MYO3A: variants seen among roughly 807,000 people sequenced by gnomAD.
The protein encoded by MYO3A is myosin-IIIa.
In MYO3A, 180 loss-of-function variants were observed where a neutral mutation model predicts 192.7. That is an observed-to-expected ratio of 0.93 (90% CI 0.83 to 1.06). MYO3A has a LOEUF of 1.06. Among genes scored for constraint, MYO3A ranks in the 50% least tolerant of loss-of-function variants. The pLI is 0.00. For synonymous variants in MYO3A, 628 were observed against 645.3 expected, an observed-to-expected ratio of 0.97 and a Z score of 0.41; for missense variants, 1,896 against 1,905.0, an observed-to-expected ratio of 1.00 and a Z score of 0.09.
chr10:26,089,344 G>A (rs972630353), intron 15 of MYO3A, among the ~76,000 whole-genome samples: 3 of 152,132 alleles, frequency 2.0e-5, no homozygotes, highest in African/African-American at 4.8e-5. Context: ...GCTCACACCT[G>A]TAATCCCAGC....
chr10:26,147,349 G>C, intron 22 of MYO3A, 81 bp from the exon 23 acceptor site: 1 of 1,385,838 alleles, frequency 7.2e-7, no homozygotes, highest in South Asian at 1.2e-5. Flanking sequence ...ATGAGTATCT[G>C]TTGTTGATGA....
intron 34 of MYO3A, among the ~76,000 whole-genome samples, chr10:26,208,090 A>C (rs1844058351): frequency 6.6e-6 from 1 of 152,044 alleles, no homozygotes; most frequent in Non-Finnish European, 1.5e-5. Context: ...ATGGACTTTA[A>C]ATGAATGAAA....
chr10:26,189,026 A>C lies in MYO3A; in HGVS notation c.4439-4179A>C, dbSNP rs914305409. Among the ~76,000 whole-genome samples, 3 of 148,358 alleles carry C rather than the reference A, an allele frequency of 2.0e-5. No individual in the cohort carries two copies. The South Asian group carries it at 6.7e-4, about 33-fold the overall frequency. Reference sequence around the variant, plus strand: ...GTTGTTTTTTCCAATTCTGTGAAGAAAGTCATTGGTAGCTTGATGGGGATG... The same window carrying C: ...GTTGTTTTTTCCAATTCTGTGAAGACAGTCATTGGTAGCTTGATGGGGATG... On this transcript the variant is annotated intron_variant, in intron 31 of 34. Coordinates refer to ENST00000642920, the MANE Select transcript of MYO3A (RefSeq NM_017433.5).
intron 18 of MYO3A, among the ~76,000 whole-genome samples, chr10:26,124,982 A>C (rs1839126350): frequency 6.6e-6 from 1 of 152,220 alleles, no homozygotes; most frequent in South Asian, 2.1e-4. Flanking sequence ...CCTGAAGTCT[A>C]AGTAACCTGT....
intron 22 of MYO3A, among the ~76,000 whole-genome samples, 169 bp downstream of exon 22, chr10:26,145,703 C>A (rs1840421807): frequency 6.6e-6 from 1 of 152,192 alleles, no homozygotes; most frequent in Admixed American, 6.5e-5. Context: ...TGTAATCCAT[C>A]CTGTCCTTTG....
chr10:26,138,169 G>A (rs761398185), intron 20 of MYO3A, among the ~76,000 whole-genome samples: 4 of 152,104 alleles, frequency 2.6e-5, no homozygotes, highest in Non-Finnish European at 5.9e-5. Flanking sequence ...AAACTTGCTG[G>A]CTTTAAGGCT....
At chr10:26,152,850 G>C (rs900756432) in intron 23 of MYO3A, among the ~76,000 whole-genome samples, 2 of 152,110 alleles carry the variant, frequency 1.3e-5, no homozygotes, top group Non-Finnish European at 2.9e-5. Flanking sequence ...CCTGGAGTTC[G>C]GATGGAGGGG....
At chr10:25,993,110 A>C (rs1588720928) in intron 4 of MYO3A, among the ~76,000 whole-genome samples, 1 of 152,108 alleles carries the variant, frequency 6.6e-6, no homozygotes, top group Non-Finnish European at 1.5e-5. Flanking sequence ...TACCTCTGGT[A>C]GAATTCGGCT....
chr10:26,069,437 CA>C lies in MYO3A; in HGVS notation c.1170+555del, dbSNP rs200448457. Among the ~76,000 whole-genome samples, 683 of 152,048 alleles carry C rather than the reference CA, an allele frequency of 4.5e-3. 5 individuals carry two copies. Among genetic ancestry groups the C allele is most frequent in the African/African-American group, 0.016 (648 of 41,532 alleles). ...TATAGAATACTATTCTGGAATTAAA[CA>C]AGGTTGTTTTTCATTTTTAATTGGA... On this transcript the variant is annotated intron_variant, in intron 12 of 34. Transcript: ENST00000642920.
intron 4 of MYO3A, among the ~76,000 whole-genome samples, chr10:25,963,479 C>T (rs919727483): frequency 5.9e-5 from 9 of 152,102 alleles, no homozygotes; most frequent in Non-Finnish European, 1.2e-4. Flanking sequence ...AATGCTACTG[C>T]CCTGGAGGAT....
At chr10:25,995,442 G>A (rs1840363983) in intron 4 of MYO3A, among the ~76,000 whole-genome samples, 1 of 152,096 alleles carries the variant, frequency 6.6e-6, no homozygotes. Flanking sequence ...TCTTTGCGAT[G>A]GATTCGAACT....
intron 4 of MYO3A, among the ~76,000 whole-genome samples, chr10:25,973,905 T>C (rs567123186): frequency 3.5e-4 from 54 of 152,310 alleles, no homozygotes; most frequent in African/African-American, 1.3e-3. Flanking sequence ...AAACTGAAAC[T>C]GGACCCCTTC....
chr10:25,947,389 C>CTTTT (rs869281200), intron 2 of MYO3A, among the ~76,000 whole-genome samples: 22 of 91,824 alleles, frequency 2.4e-4, no homozygotes, highest in South Asian at 4.1e-4. Flanking sequence ...TTTTCTTTTT[C>CTTTT]TTTTTTTTTT....
At chr10:26,040,176 T>C (rs1404675979) in intron 10 of MYO3A, among the ~76,000 whole-genome samples, 1 of 152,022 alleles carries the variant, frequency 6.6e-6, no homozygotes, top group Non-Finnish European at 1.5e-5. Flanking sequence ...TTTTCCTGTT[T>C]TTTTTTTTAA....
rs1554817237 is a variant in MYO3A, at chr10:26,065,605, A to AAACAT, written c.954-1368_954-1367insCATAA. On this transcript the variant is annotated intron_variant, in intron 10 of 34. Coordinates refer to ENST00000642920, the MANE Select transcript of MYO3A (RefSeq NM_017433.5). The stretch of plus-strand genomic sequence containing the variant: ...ATCTCCAAAAAAAAAAAAAAAAAAA[A>AAACAT]AAAAAAAAGTATACATAATTCTTTT... Among the ~76,000 whole-genome samples, 72 of 118,762 alleles carry AAACAT rather than the reference A, an allele frequency of 6.1e-4. 6 individuals are homozygous for AAACAT. The highest frequency in any genetic ancestry group is 1.4e-3 in the African/African-American group (48 of 33,410). The allele number at this position is 118,762 out of a possible 152,430, so 77.9% of individuals were successfully genotyped here.
chr10:26,076,449 T>A (rs1835582534), intron 14 of MYO3A, among the ~76,000 whole-genome samples: 1 of 152,102 alleles, frequency 6.6e-6, no homozygotes, highest in African/African-American at 2.4e-5. Flanking sequence ...ACTCTGTGGG[T>A]TTTCTCTTTA....
At chr10:26,106,361 T>A (rs1479552007) in intron 17 of MYO3A, among the ~76,000 whole-genome samples, 1 of 152,062 alleles carries the variant, frequency 6.6e-6, no homozygotes, top group Non-Finnish European at 1.5e-5. Flanking sequence ...ATCTTATTTT[T>A]AAATTTATTA....
chr10:25,965,267 C>T (rs1000531377), intron 4 of MYO3A, among the ~76,000 whole-genome samples: 3 of 152,134 alleles, frequency 2.0e-5, no homozygotes, highest in African/African-American at 7.2e-5. Flanking sequence ...TTTTCTTTTG[C>T]ACTGGGTCTT....
intron 10 of MYO3A, among the ~76,000 whole-genome samples, chr10:26,029,459 C>G (rs1842710156): frequency 6.6e-6 from 1 of 152,200 alleles, no homozygotes; most frequent in Admixed American, 6.5e-5. Flanking sequence ...TCAATCTCTG[C>G]TATATTCTGA....
Sources: allele counts gnomAD v4.1 joint callset (sites outside exome capture counted in the v4.1 genomes callset), GRCh38; gene constraint gnomAD v4.1.1; transcripts MANE v1.5; gene names NCBI Gene and HGNC (gene_info 2026-07-23, HGNC 2026-07-21).